TSPAN5: variants seen among roughly 807,000 people sequenced by gnomAD.
TSPAN5 encodes tetraspanin 5.
A neutral mutation model predicts 37.1 loss-of-function variants in TSPAN5; 10 were observed. That is an observed-to-expected ratio of 0.27 (90% CI 0.17 to 0.46). The LOEUF is 0.46. Among genes scored for constraint, TSPAN5 ranks in the 20% least tolerant of loss-of-function variants. The probability of loss-of-function intolerance (pLI) is 1.00; values close to 1 mark genes in which losing one functional copy is unlikely to be tolerated. For synonymous variants in TSPAN5, 110 were observed against 118.9 expected (o/e 0.93, Z 0.48); for missense variants, 195 against 326.6 (o/e 0.60, Z 3.11).
chr4:98,470,782 C>A lies in TSPAN5; in HGVS notation c.*1740G>T, dbSNP rs1752564134. The A allele has an allele frequency of 6.6e-6, 1 of 152,260 alleles. No individual in the cohort carries two copies. The highest frequency in any genetic ancestry group is 2.1e-4 in the South Asian group (1 of 4,832). The allele number at this position is 152,260 out of a possible 1,614,324, so 9.4% of individuals were successfully genotyped here. A position where few individuals can be genotyped will look rare whatever the true frequency, so the allele number is the denominator to read the frequency against. On this transcript the variant is annotated 3_prime_UTR_variant, in exon 8 of 8. Coordinates refer to ENST00000305798, the MANE Select transcript of TSPAN5 (RefSeq NM_005723.4). ...TGAACACAGTTTTGAAAATAATTTC[C>A]TTTTTGTCCTTTCTCTGAGCAGACT... is the stretch of plus-strand genomic sequence containing the variant.
chr4:98,566,021 C>T (rs570919880), intron 1 of TSPAN5, among the ~76,000 whole-genome samples: 4 of 151,958 alleles, frequency 2.6e-5, no homozygotes, highest in Non-Finnish European at 4.4e-5. Context: ...TTAGTTTTAG[C>T]GAGGAGAAGA....
intron 4 of TSPAN5, among the ~76,000 whole-genome samples, chr4:98,480,279 T>C (rs996463607): frequency 9.9e-5 from 15 of 152,230 alleles, no homozygotes; most frequent in Non-Finnish European, 2.2e-4. Flanking sequence ...GGATATATAG[T>C]TGATATATCC....
intron 1 of TSPAN5, among the ~76,000 whole-genome samples, chr4:98,578,410 A>AT (rs1755293288): frequency 6.6e-6 from 1 of 151,962 alleles, no homozygotes; most frequent in Non-Finnish European, 1.5e-5. Flanking sequence ...TCCTTCTTTC[A>AT]TTAAGTATTT....
intron 1 of TSPAN5, among the ~76,000 whole-genome samples, chr4:98,559,135 A>G (rs1754820897): frequency 2.6e-5 from 2 of 77,712 alleles, no homozygotes; most frequent in Non-Finnish European, 5.6e-5. Flanking sequence ...AAGAATTCAA[A>G]CAGTATTACT....
At chr4:98,560,616 A>G (rs929464913) in intron 1 of TSPAN5, among the ~76,000 whole-genome samples, 1 of 152,224 alleles carries the variant, frequency 6.6e-6, no homozygotes, top group Non-Finnish European at 1.5e-5. Flanking sequence ...TGCCTTCAGG[A>G]TGTGGATAAT....
At chr4:98,565,065 T>C (rs79669446) in intron 1 of TSPAN5, among the ~76,000 whole-genome samples, 11,855 of 152,164 alleles carry the variant, frequency 0.078, 949 homozygotes, top group African/African-American at 0.19. Flanking sequence ...ATAAATCACT[T>C]TCCCACTACC....
At chr4:98,648,846 G>T (rs2110288119) in intron 1 of TSPAN5, among the ~76,000 whole-genome samples, 1 of 152,338 alleles carries the variant, frequency 6.6e-6, no homozygotes, top group Admixed American at 6.5e-5. Flanking sequence ...ACAATGACCT[G>T]CAGGAAGTTT....
At chr4:98,628,346 C>T (rs1268548092) in intron 1 of TSPAN5, among the ~76,000 whole-genome samples, 1 of 152,124 alleles carries the variant, frequency 6.6e-6, no homozygotes, top group Non-Finnish European at 1.5e-5. Context: ...AAAATGTTAA[C>T]AGCAACTGAA....
At chr4:98,540,598 A>T (rs1017546599) in intron 1 of TSPAN5, among the ~76,000 whole-genome samples, 1 of 152,118 alleles carries the variant, frequency 6.6e-6, no homozygotes, top group Non-Finnish European at 1.5e-5. Context: ...TCAGCCTCCC[A>T]AAGTCCTGGG....
chr4:98,502,583 A>G (rs1753378387), intron 2 of TSPAN5, among the ~76,000 whole-genome samples: 1 of 152,178 alleles, frequency 6.6e-6, no homozygotes, highest in Non-Finnish European at 1.5e-5. Context: ...GTGCTTCAGG[A>G]CCCAGCATGG....
intron 1 of TSPAN5, among the ~76,000 whole-genome samples, chr4:98,524,254 A>G (rs997872834): frequency 3.9e-5 from 6 of 152,358 alleles, no homozygotes; most frequent in African/African-American, 1.2e-4. Flanking sequence ...CATTTTTGAT[A>G]CAAGATTTCA....
At chr4:98,652,865 T>G (rs182227732) in intron 1 of TSPAN5, among the ~76,000 whole-genome samples, 2,541 of 152,320 alleles carry the variant, frequency 0.017, 72 homozygotes, top group African/African-American at 0.057. Flanking sequence ...TTTATGGTGG[T>G]TGAAACATGA....
intron 1 of TSPAN5, among the ~76,000 whole-genome samples, chr4:98,598,466 GT>G (rs369060559): frequency 4.7e-5 from 7 of 148,172 alleles, no homozygotes; most frequent in South Asian, 2.2e-4. Context: ...CCTCCCTCCT[GT>G]TTTTTTTTTG....
intron 1 of TSPAN5, among the ~76,000 whole-genome samples, chr4:98,540,228 C>A (rs187073126): frequency 6.6e-6 from 1 of 152,192 alleles, no homozygotes; most frequent in South Asian, 2.1e-4. Context: ...TTCAGTGATC[C>A]AAGTTTCTAC....
At chr4:98,515,823 T>C (rs1753715676) in intron 1 of TSPAN5, among the ~76,000 whole-genome samples, 1 of 152,186 alleles carries the variant, frequency 6.6e-6, no homozygotes, top group Non-Finnish European at 1.5e-5. Flanking sequence ...AGTCAGATAC[T>C]CATATGGTAC....
chr4:98,582,600 C>CA (rs1224157143), intron 1 of TSPAN5, among the ~76,000 whole-genome samples: 1 of 152,224 alleles, frequency 6.6e-6, no homozygotes, highest in Non-Finnish European at 1.5e-5. Context: ...CACTAGACTT[C>CA]AAGTCACAAA....
intron 1 of TSPAN5, among the ~76,000 whole-genome samples, chr4:98,650,520 CAAAT>C (rs1281545760): frequency 6.6e-6 from 1 of 151,432 alleles, no homozygotes; most frequent in Admixed American, 6.6e-5. Context: ...ATCTCACTGT[CAAAT>C]AAAGCAGTTA....
chr4:98,581,189 A>G (rs1373676059), intron 1 of TSPAN5, among the ~76,000 whole-genome samples: 1 of 152,238 alleles, frequency 6.6e-6, no homozygotes, highest in African/African-American at 2.4e-5. Context: ...AATGACCAAA[A>G]GATCTTTGAA....
chr4:98,628,654 A>G (rs981140739), intron 1 of TSPAN5, among the ~76,000 whole-genome samples: 1 of 152,114 alleles, frequency 6.6e-6, no homozygotes, highest in Non-Finnish European at 1.5e-5. Flanking sequence ...CCCCTTTACC[A>G]CACTCCCCAT....
Sources: gnomAD v4.1 joint callset for allele counts (sites outside exome capture counted in the v4.1 genomes callset) on GRCh38, gnomAD v4.1.1 for gene constraint, MANE v1.5 for transcripts, NCBI Gene and HGNC (gene_info 2026-07-23, HGNC 2026-07-21) for gene names.